The following NRDE2 variants were observed in gnomAD, a reference collection of about 807,000 sequenced individuals.
NRDE2 encodes nuclear exosome regulator NRDE2.
A neutral mutation model predicts 124.2 loss-of-function variants in NRDE2; 76 were observed. The observed-to-expected ratio is 0.61, with a 90% CI of 0.51 to 0.74. NRDE2 has a LOEUF of 0.74. NRDE2 is among the 30% of genes least tolerant of loss of function. NRDE2 has a pLI of 0.00. For synonymous variants in NRDE2, 489 were observed against 528.1 expected, an observed-to-expected ratio of 0.93 and a Z score of 1.01; for missense variants, 1,314 against 1,417.3, an observed-to-expected ratio of 0.93 and a Z score of 1.17.
intron 1 of NRDE2, among the ~76,000 whole-genome samples, chr14:90,328,145 A>T (rs1461945537): frequency 6.7e-6 from 1 of 148,612 alleles, no homozygotes; most frequent in Non-Finnish European, 1.5e-5. Context: ...TCTGTCTCAA[A>T]AAAAAAAAAA....
chr14:90,292,697 C>T lies in NRDE2; in HGVS notation c.1842G>A (p.Gln614=), dbSNP rs771959257. The change falls in exon 9 of 14, where the codon CAG becomes CAA. Residue 614 remains glutamine (Q), a splice_region_variant and synonymous_variant. Transcript: ENST00000354366. ...CCTGCCTGGGGCGGAGGATACATGC[C>T]TGTCTCTCGGGATCCTCACAGTCTT... The part of the protein sequence containing the change: ...TEEDCEDPER[Q]VLFDDIGQSL... The T allele has an allele frequency of 6.2e-7, 1 of 1,613,032 alleles. No homozygotes were observed. Among genetic ancestry groups the T allele is most frequent in the East Asian group, 2.2e-5 (1 of 44,842 alleles).
rs892349996 is a variant in NRDE2 at position 90,272,196 on chromosome 14, A to C, written c.*6140T>G. ...GGTGTGAGCCACCGCGCCTGGCCTCAGAATAGGTTTTTTGGAATTCCTTGT... is the reference window on the plus strand; with the variant it reads ...GGTGTGAGCCACCGCGCCTGGCCTCCGAATAGGTTTTTTGGAATTCCTTGT... On this transcript the variant is annotated 3_prime_UTR_variant, in exon 14 of 14. Transcript: ENST00000354366. The surrounding 1 kb of genome is among the most constrained non-coding windows in gnomAD (Gnocchi z 4.5). 1 of 1,553,340 alleles carries C rather than the reference A, an allele frequency of 6.4e-7. No homozygotes were observed. Among genetic ancestry groups the C allele is most frequent in the African/African-American group, 1.4e-5 (1 of 72,156 alleles).
At chr14:90,312,212 C>T (rs1028370193) in intron 4 of NRDE2, among the ~76,000 whole-genome samples, 182 bp downstream of exon 4, 1 of 152,198 alleles carries the variant, frequency 6.6e-6, no homozygotes, top group African/African-American at 2.4e-5. Flanking sequence ...TCTGACTTGA[C>T]TTCAAGTGTT....
intron 6 of NRDE2, among the ~76,000 whole-genome samples, chr14:90,302,485 A>G (rs1884440833): frequency 6.6e-6 from 1 of 152,220 alleles, no homozygotes; most frequent in African/African-American, 2.4e-5. Flanking sequence ...TTGGCTAATC[A>G]GCAGAACCTT....
chr14:90,312,617 G>T, intron 3 of NRDE2, 74 bp from the exon 4 acceptor site: 1 of 1,479,756 alleles, frequency 6.8e-7, no homozygotes, highest in Non-Finnish European at 9.4e-7. Context: ...GGCATTTTCA[G>T]CAATATGAGA....
intron 10 of NRDE2, among the ~76,000 whole-genome samples, chr14:90,289,631 A>C (rs939149581): frequency 6.6e-6 from 1 of 152,228 alleles, no homozygotes. Flanking sequence ...TCTGTCACCC[A>C]GGCTGGAGTG....
Position 90,302,834 on chromosome 14 carries a change from A to G in NRDE2, c.1297T>C (p.Ser433Pro). The G allele has an allele frequency of 6.2e-7, 1 of 1,614,150 alleles. No individual in the cohort carries two copies. Among genetic ancestry groups the G allele is most frequent in the Non-Finnish European group, 8.5e-7 (1 of 1,180,048 alleles). Residue 433 changes from serine to proline, a missense_variant, in exon 6 of 14, where the codon TCG becomes CCG. Transcript: ENST00000354366. ...TAAAGACTGTGAATTTTTGATATCG[A>G]AAAGGTACTAAACTGGCTCTGGCAA... ...LFCQSQFSTF[S>P]ISKIHSLYGK...
At chr14:90,278,892 A>G in intron 13 of NRDE2, 170 bp downstream of exon 13, 1 of 668,422 alleles carries the variant, frequency 1.5e-6, no homozygotes, top group Non-Finnish European at 2.7e-6. Context: ...CTGACTCCAC[A>G]GGGGACAGTT....
At position 90,273,581 on chromosome 14, in the gene NRDE2, A is replaced by G. The variant is rs1464135190; in HGVS notation, c.*4755T>C. The G allele has an allele frequency of 6.6e-6, 1 of 152,232 alleles. No individual in the cohort carries two copies. The highest frequency in any genetic ancestry group is 2.4e-5 in the African/African-American group (1 of 41,434). The allele number at this position is 152,232 out of a possible 1,614,324, so 9.4% of individuals were successfully genotyped here. A position where few individuals can be genotyped will look rare whatever the true frequency, so the allele number is the denominator to read the frequency against. ...TCAAAAATAAATAAATAAATAAATA[A>G]AAACCACAATTTTATCTCAGTTCTG... is the stretch of plus-strand genomic sequence containing the variant. On this transcript the variant is annotated 3_prime_UTR_variant, in exon 14 of 14. Coordinates refer to ENST00000354366, the MANE Select transcript of NRDE2 (RefSeq NM_017970.4).
In NRDE2 at chr14:90,268,011, C is replaced by T. The variant is rs1891562694; in HGVS notation, c.*10325G>A. 1 of 460,528 alleles carries T rather than the reference C, an allele frequency of 2.2e-6. No homozygotes were observed. Among genetic ancestry groups the T allele is most frequent in the Admixed American group, 3.9e-5 (1 of 25,594 alleles). 28.5% of individuals were successfully genotyped at this position (460,528 alleles called of 1,614,324 possible). On this transcript the variant is annotated 3_prime_UTR_variant, in exon 14 of 14. Transcript: ENST00000354366. ...CGTTATCATAAGTTCAGCAAAATAGCTAAGGATAATCCAAACATGTTAGTA... is the reference window on the plus strand; with the variant it reads ...CGTTATCATAAGTTCAGCAAAATAGTTAAGGATAATCCAAACATGTTAGTA...
At chr14:90,284,348 C>CCA (rs1892041799) in intron 12 of NRDE2, among the ~76,000 whole-genome samples, 1 of 147,444 alleles carries the variant, frequency 6.8e-6, no homozygotes, top group Admixed American at 6.8e-5. Flanking sequence ...TGTTTTTTTT[C>CCA]TATTTTTTTT....
chr14:90,294,502 T>TC (rs1340808617), intron 8 of NRDE2, among the ~76,000 whole-genome samples: 2 of 152,134 alleles, frequency 1.3e-5, no homozygotes, highest in African/African-American at 4.8e-5. Context: ...GGAGAAGTGT[T>TC]CGGCTTTAAA....
Position 90,267,934 on chromosome 14 carries a change from AG to A in NRDE2, c.*10401del, listed in dbSNP as rs1891560963. ...AGGTAATTATAGTTCGCAGCTTTTC[AG>A]GGGAAACTGGGTCAAGGTTGGAAAA... is the stretch of plus-strand genomic sequence containing the variant. On this transcript the variant is annotated 3_prime_UTR_variant, in exon 14 of 14. Coordinates refer to ENST00000354366, the MANE Select transcript of NRDE2 (RefSeq NM_017970.4). The A allele has an allele frequency of 3.3e-6, 1 of 300,348 alleles. No homozygotes were observed. Among genetic ancestry groups the A allele is most frequent in the African/African-American group, 2.2e-5 (1 of 45,782 alleles). 18.6% of individuals were successfully genotyped at this position (300,348 alleles called of 1,614,324 possible).
Position 90,268,175 on chromosome 14 carries a change from A to G in NRDE2, c.*10161T>C, listed in dbSNP as rs1891567103. On this transcript the variant is annotated 3_prime_UTR_variant, in exon 14 of 14. Transcript: ENST00000354366. ...TAATGATACGAGTTTTTAAGTTAAA[A>G]TGGCACTTAAGGTGTCTTTTTTTTT... 1 of 1,451,004 alleles carries G rather than the reference A, an allele frequency of 6.9e-7. No individual in the cohort carries two copies. Among genetic ancestry groups the G allele is most frequent in the Non-Finnish European group, 9.2e-7 (1 of 1,091,430 alleles). 89.9% of individuals were successfully genotyped at this position (1,451,004 alleles called of 1,614,324 possible). A position where few individuals can be genotyped will look rare whatever the true frequency, so the allele number is the denominator to read the frequency against.
At chr14:90,284,339 GTTTT>G (rs1488387808) in intron 12 of NRDE2, among the ~76,000 whole-genome samples, 2 of 148,130 alleles carry the variant, frequency 1.4e-5, no homozygotes, top group African/African-American at 5.0e-5. Flanking sequence ...AGGTCACTTT[GTTTT>G]TTTTCTATTT....
intron 2 of NRDE2, among the ~76,000 whole-genome samples, chr14:90,317,394 T>C (rs564784489): frequency 6.6e-6 from 1 of 152,352 alleles, no homozygotes; most frequent in East Asian, 1.9e-4. Context: ...CAATGAGCTC[T>C]TCTTCCTCAT....
At chr14:90,295,180 C>T (rs562115171) in intron 8 of NRDE2, among the ~76,000 whole-genome samples, 2 of 152,262 alleles carry the variant, frequency 1.3e-5, no homozygotes, top group South Asian at 2.1e-4. Context: ...GTGGTACTAC[C>T]ACTGGAAGGA....
chr14:90,282,331 C>T (rs1454676328), intron 12 of NRDE2, among the ~76,000 whole-genome samples: 1 of 148,104 alleles, frequency 6.8e-6, no homozygotes, highest in Non-Finnish European at 1.5e-5. Context: ...AAAAAAACAG[C>T]CAGGCATGGT....
chr14:90,311,357 T>G (rs972006043), intron 4 of NRDE2, among the ~76,000 whole-genome samples: 6 of 152,198 alleles, frequency 3.9e-5, no homozygotes, highest in Admixed American at 6.5e-5. Flanking sequence ...AAATCTCATC[T>G]TGAATTGTAG....
Sources: gnomAD v4.1 joint callset for allele counts (sites outside exome capture counted in the v4.1 genomes callset) on GRCh38, gnomAD v4.1.1 for gene constraint, Gnocchi (gnomAD v3.1) non-coding constraint, MANE v1.5 for transcripts, NCBI Gene and HGNC (gene_info 2026-07-23, HGNC 2026-07-21) for gene names.